SPNS3: variants seen among roughly 807,000 people sequenced by gnomAD.
The protein encoded by SPNS3 is protein spinster homolog 3.
A neutral mutation model predicts 54.4 loss-of-function variants in SPNS3; 51 were observed. The ratio of observed to expected loss-of-function variants is 0.94; its 90% CI spans 0.75 to 1.18. The LOEUF is 1.18. SPNS3 is among the 50% of genes most tolerant of loss of function. The pLI is 0.00. For synonymous variants in SPNS3, 309 were observed against 294.7 expected (o/e 1.05, Z -0.50); for missense variants, 669 against 677.4 (o/e 0.99, Z 0.14).
At chr17:4,481,187 G>A (rs1389634096) in intron 9 of SPNS3, among the ~76,000 whole-genome samples, 1 of 151,930 alleles carries the variant, frequency 6.6e-6, no homozygotes, top group Non-Finnish European at 1.5e-5. Flanking sequence ...GGGGAGGACA[G>A]AACAGCCTCC....
chr17:4,465,939 TG>T (rs1461292651), intron 8 of SPNS3, among the ~76,000 whole-genome samples: 2 of 152,130 alleles, frequency 1.3e-5, no homozygotes, highest in Non-Finnish European at 2.9e-5. Flanking sequence ...CCTACCAGGG[TG>T]GGTCTCTAGT....
rs747104028 is a variant in SPNS3 at position 4,453,221 on chromosome 17, T to C, written c.1113+16T>C. On this transcript the variant is annotated intron_variant, in intron 8 of 11. Transcript: ENST00000355530. ...GGCCTCCTATGTAAGTGAGAGCCTC[T>C]ATGGAGGTGGGGACAGGGTTGGGGG... The C allele has an allele frequency of 4.4e-5, 71 of 1,605,490 alleles. No homozygotes were observed. Among genetic ancestry groups the C allele is most frequent in the Middle Eastern group, 3.8e-4 (2 of 5,230 alleles).
chr17:4,458,485 CTTCT>C (rs530203347), intron 8 of SPNS3, among the ~76,000 whole-genome samples: 1,141 of 66,174 alleles, frequency 0.017, 40 homozygotes, highest in African/African-American at 0.029. Flanking sequence ...TCTTTCTTTT[CTTCT>C]TTCTTTCTTT....
At chr17:4,487,294 A>C (rs950372195) in intron 11 of SPNS3, among the ~76,000 whole-genome samples, 4 of 152,152 alleles carry the variant, frequency 2.6e-5, no homozygotes, top group Non-Finnish European at 5.9e-5. Flanking sequence ...ACCTGGGGAA[A>C]GACGCTTCCG....
chr17:4,468,991 T>C (rs1971779283), intron 8 of SPNS3, among the ~76,000 whole-genome samples: 2 of 151,978 alleles, frequency 1.3e-5, no homozygotes, highest in Non-Finnish European at 2.9e-5. Flanking sequence ...TTTCACGATG[T>C]TGCCCAGGCT....
rs994835996 is a variant in SPNS3, at chr17:4,486,603, A to G, written c.1450+20A>G. Reference sequence around the variant, plus strand: ...TCACAGGTACCCTACCCATTGCACCAGGCCCGGCTCAGGGCCGGCACCCTA... The same window carrying G: ...TCACAGGTACCCTACCCATTGCACCGGGCCCGGCTCAGGGCCGGCACCCTA... On this transcript the variant is annotated intron_variant, in intron 11 of 11. Coordinates refer to ENST00000355530, the MANE Select transcript of SPNS3 (RefSeq NM_182538.5). This position sits in a 1 kb window ranked among gnomAD's most constrained non-coding sequence, Gnocchi z 5.5. 6.3e-7 allele frequency: 1 copy of G among 1,597,064 alleles called. No homozygotes were observed.
At chr17:4,458,540 CT>C (rs372655401) in intron 8 of SPNS3, among the ~76,000 whole-genome samples, 14,734 of 97,200 alleles carry the variant, frequency 0.15, 3,032 homozygotes, top group Admixed American at 0.28. Context: ...TCCTTCCTTC[CT>C]TCCTTTCCTT....
At chr17:4,434,903 C>T (rs1397786329) in intron 1 of SPNS3, among the ~76,000 whole-genome samples, 2 of 150,584 alleles carry the variant, frequency 1.3e-5, no homozygotes, top group East Asian at 4.0e-4. Context: ...CTCCCAGGTT[C>T]AAGCGATTCC....
intron 9 of SPNS3, among the ~76,000 whole-genome samples, chr17:4,479,956 C>T (rs1318818942): frequency 6.6e-6 from 1 of 152,232 alleles, no homozygotes; most frequent in Non-Finnish European, 1.5e-5. Context: ...TCCATTTTCT[C>T]ATTTTCTATC....
intron 8 of SPNS3, among the ~76,000 whole-genome samples, chr17:4,459,736 A>G (rs1202004181): frequency 6.6e-6 from 1 of 152,154 alleles, no homozygotes; most frequent in African/African-American, 2.4e-5. Flanking sequence ...AAATAAACCA[A>G]TGCCGTAGAT....
chr17:4,448,017 A>G (rs7219205), intron 5 of SPNS3, 138 bp from the exon 6 acceptor site: 374,902 of 739,690 alleles, frequency 0.51, 100,036 homozygotes, highest in African/African-American at 0.73. Flanking sequence ...GCATCCAGGA[A>G]TCAGGTCACC....
chr17:4,446,564 C>T, intron 4 of SPNS3: 1 of 521,410 alleles, frequency 1.9e-6, no homozygotes, highest in Non-Finnish European at 3.5e-6. Flanking sequence ...GCAGGATTTG[C>T]AATCAGGACC....
At chr17:4,485,116 G>A (rs1410218340) in intron 9 of SPNS3, 1 of 152,218 alleles carries the variant, frequency 6.6e-6, no homozygotes, top group Non-Finnish European at 1.5e-5. Context: ...AGCTGGACCA[G>A]AGAGTGGAAG....
rs747703347 is a variant in SPNS3 at position 4,433,940 on chromosome 17, A to C, written c.-28A>C. On this transcript the variant is annotated 5_prime_UTR_variant, in exon 1 of 12. Transcript: ENST00000355530. ...GCTAATGTTGCTTCATCCTGGCGCC[A>C]GTCTCAGGCCAAGAGCTGCAGGCTG... 44 of 1,486,228 alleles carry C rather than the reference A, an allele frequency of 3.0e-5. No homozygotes were observed. Among genetic ancestry groups the C allele is most frequent in the Non-Finnish European group, 3.9e-5 (44 of 1,118,390 alleles). 92.1% of individuals were successfully genotyped at this position (1,486,228 alleles called of 1,614,324 possible).
chr17:4,435,599 G>T (rs1030575269), intron 1 of SPNS3, among the ~76,000 whole-genome samples: 2 of 152,070 alleles, frequency 1.3e-5, no homozygotes, highest in African/African-American at 2.4e-5. Flanking sequence ...GGTTCTAGGT[G>T]GAGGACAGGG....
chr17:4,465,742 T>G (rs1220129760), intron 8 of SPNS3, among the ~76,000 whole-genome samples: 1 of 152,046 alleles, frequency 6.6e-6, no homozygotes, highest in Non-Finnish European at 1.5e-5. Context: ...AAAAAAGAAA[T>G]GGACTCTATC....
At chr17:4,442,995 C>T (rs2144009697) in intron 2 of SPNS3, among the ~76,000 whole-genome samples, 1 of 152,236 alleles carries the variant, frequency 6.6e-6, no homozygotes, top group South Asian at 2.1e-4. Flanking sequence ...AGGTTTAAGG[C>T]ACTTAAAACA....
chr17:4,480,098 G>GC (rs113506240), intron 9 of SPNS3, among the ~76,000 whole-genome samples: 5,875 of 152,304 alleles, frequency 0.039, 359 homozygotes, highest in African/African-American at 0.13. Flanking sequence ...CAAGATGTCT[G>GC]CCCCTCCCCG....
rs192002390 is a variant in SPNS3 at position 4,454,975 on chromosome 17, G to A, written c.1113+1770G>A. 4.9e-3 allele frequency among the ~76,000 whole-genome samples: 737 copies of A among 150,530 alleles called. 2 individuals are homozygous for A. The highest frequency in any genetic ancestry group is 0.017 in the African/African-American group (693 of 40,750). On this transcript the variant is annotated intron_variant, in intron 8 of 11. Coordinates refer to ENST00000355530, the MANE Select transcript of SPNS3 (RefSeq NM_182538.5). Reference sequence around the variant, plus strand: ...GTTGCCCAGGCTGGAGTGCGGTGGCGCGATCTCAGCTCACGGTAACCTCCG... The same window carrying A: ...GTTGCCCAGGCTGGAGTGCGGTGGCACGATCTCAGCTCACGGTAACCTCCG...
Sources: gnomAD v4.1 joint callset for allele counts (sites outside exome capture counted in the v4.1 genomes callset) on GRCh38, gnomAD v4.1.1 for gene constraint, Gnocchi (gnomAD v3.1) non-coding constraint, MANE v1.5 for transcripts, NCBI Gene and HGNC (gene_info 2026-07-23, HGNC 2026-07-21) for gene names.